Variants in COP1 observed in about 807,000 individuals in gnomAD.
COP1 encodes the protein COP1 E3 ubiquitin ligase.
A neutral mutation model predicts 101.3 loss-of-function variants in COP1; 24 were observed. The observed-to-expected ratio is 0.24, with a 90% CI of 0.17 to 0.33. COP1 has a LOEUF of 0.33. Among genes scored for constraint, COP1 ranks in the 10% least tolerant of loss-of-function variants. The probability of loss-of-function intolerance (pLI) is 1.00; values close to 1 mark genes in which losing one functional copy is unlikely to be tolerated. For synonymous variants in COP1, 347 were observed against 341.9 expected (o/e 1.01, Z -0.17); for missense variants, 663 against 906.2 (o/e 0.73, Z 3.45).
chr1:176,004,612 T>A (rs982055633), intron 15 of COP1, among the ~76,000 whole-genome samples: 2 of 152,150 alleles, frequency 1.3e-5, no homozygotes, highest in Admixed American at 1.3e-4. Context: ...GAGATAATCA[T>A]GTGGTTTTTG....
intron 1 of COP1, among the ~76,000 whole-genome samples, chr1:176,196,114 A>G (rs1558299322): frequency 6.6e-6 from 1 of 152,222 alleles, no homozygotes. Context: ...GATACAGCTA[A>G]AGTAGGGATT....
intron 1 of COP1, among the ~76,000 whole-genome samples, chr1:176,192,618 C>T (rs1699231008): frequency 6.6e-6 from 1 of 152,076 alleles, no homozygotes; most frequent in Middle Eastern, 3.2e-3. Flanking sequence ...ATGCTTTGCT[C>T]ACATTTCAGA....
intron 8 of COP1, among the ~76,000 whole-genome samples, chr1:176,125,062 G>A (rs1349980787): frequency 6.6e-6 from 1 of 151,816 alleles, no homozygotes; most frequent in Admixed American, 6.6e-5. Flanking sequence ...TGTTTGTCTT[G>A]AGAAATGTCT....
At chr1:176,174,364 T>C (rs1204268140) in intron 3 of COP1, among the ~76,000 whole-genome samples, 2 of 152,166 alleles carry the variant, frequency 1.3e-5, no homozygotes, top group Non-Finnish European at 2.9e-5. Flanking sequence ...TTCCCTATTA[T>C]CTAAACTAGG....
intron 7 of COP1, among the ~76,000 whole-genome samples, chr1:176,136,126 A>C (rs1488886003): frequency 1.3e-5 from 2 of 151,944 alleles, no homozygotes; most frequent in Non-Finnish European, 2.9e-5. Flanking sequence ...AATTAACCTT[A>C]ACTCCTAGAA....
intron 6 of COP1, among the ~76,000 whole-genome samples, chr1:176,143,092 T>A (rs1690961762): frequency 1.4e-5 from 2 of 147,268 alleles, no homozygotes; most frequent in Non-Finnish European, 3.0e-5. Context: ...AATTGATATA[T>A]TCCTGGCAAG....
chr1:176,143,158 G>A (rs1412304343), intron 6 of COP1, among the ~76,000 whole-genome samples: 6 of 132,380 alleles, frequency 4.5e-5, no homozygotes, highest in African/African-American at 1.8e-4. Context: ...GAGAGAGAGA[G>A]AGAGAGGAAC....
At position 176,081,288 on chromosome 1, in the gene COP1, C is replaced by CT. The variant is rs1679089456; in HGVS notation, c.1142-2dup. On this transcript the variant is annotated splice_acceptor_variant, in intron 10 of 19. Coordinates refer to ENST00000367669, the MANE Select transcript of COP1 (RefSeq NM_022457.7). LOFTEE classifies it high-confidence loss of function. ...AACTGGCTTGCAGTTCGACTGTCAT[C>CT]TATATGAAAAAAAAAAAAAAAAGAC... 1 of 1,339,694 alleles carries CT rather than the reference C, an allele frequency of 7.5e-7. No homozygotes were observed. Among genetic ancestry groups the CT allele is most frequent in the African/African-American group, 1.6e-5 (1 of 63,202 alleles). 83.0% of individuals were successfully genotyped at this position (1,339,694 alleles called of 1,614,324 possible).
intron 9 of COP1, among the ~76,000 whole-genome samples, chr1:176,091,380 T>C (rs1681270017): frequency 1.3e-5 from 2 of 151,094 alleles, no homozygotes; most frequent in Non-Finnish European, 2.9e-5. Context: ...ACTTCTGAAG[T>C]TGTGTACTTG....
chr1:175,993,311 A>C (rs1221757346), intron 15 of COP1, among the ~76,000 whole-genome samples: 1 of 152,164 alleles, frequency 6.6e-6, no homozygotes, highest in Non-Finnish European at 1.5e-5. Flanking sequence ...AAGCAGAAAA[A>C]CTGGAAACTC....
chr1:176,113,545 T>C (rs186327069), intron 9 of COP1, among the ~76,000 whole-genome samples: 1,979 of 152,204 alleles, frequency 0.013, 37 homozygotes, highest in Non-Finnish European at 0.015. Context: ...TGCTAGAAAT[T>C]TCAAAGTAGT....
chr1:175,996,016 G>A (rs1007874359), intron 15 of COP1, among the ~76,000 whole-genome samples: 7 of 151,924 alleles, frequency 4.6e-5, no homozygotes, highest in African/African-American at 4.9e-5. Flanking sequence ...CTGGCAAAAC[G>A]AATCCAGCAG....
chr1:176,178,384 T>G (rs1697259975), intron 2 of COP1, among the ~76,000 whole-genome samples: 1 of 151,048 alleles, frequency 6.6e-6, no homozygotes, highest in Non-Finnish European at 1.5e-5. Flanking sequence ...TAGCTGGGCC[T>G]GGTTCTGCAT....
intron 11 of COP1, among the ~76,000 whole-genome samples, chr1:176,074,644 A>C (rs1284536431): frequency 6.6e-6 from 1 of 152,132 alleles, no homozygotes; most frequent in Non-Finnish European, 1.5e-5. Flanking sequence ...TCTGCCTCAG[A>C]ATGCACAATG....
At position 176,165,361 on chromosome 1, in the gene COP1, CGTGTGTGTGTGTGTGT is replaced by C. The variant is rs34291468; in HGVS notation, c.566-1486_566-1471del. 2.4e-3 allele frequency among the ~76,000 whole-genome samples: 313 copies of C among 132,140 alleles called. 1 individual carries two copies. The highest frequency in any genetic ancestry group is 7.5e-3 in the African/African-American group (261 of 34,880). 86.7% of individuals were successfully genotyped at this position (132,140 alleles called of 152,430 possible). On this transcript the variant is annotated intron_variant, in intron 3 of 19. Coordinates refer to ENST00000367669, the MANE Select transcript of COP1 (RefSeq NM_022457.7). ...GTGAGAGAGAGAGAGAGATGTGTGT[CGTGTGTGTGTGTGTGT>C]GTGTGTGTGTGTGTGTGTGTGTGTG...
chr1:176,086,095 CTAA>C lies in COP1; in HGVS notation c.1027-208_1027-206del, dbSNP rs1426487747. ...AAATTCATTCGCAGAATGATTAAAA[CTAA>C]TAATGACTAAAAATAAGCTCTAAAG... On this transcript the variant is annotated intron_variant, in intron 9 of 19. Coordinates refer to ENST00000367669, the MANE Select transcript of COP1 (RefSeq NM_022457.7). Among the ~76,000 whole-genome samples, 7 of 151,948 alleles carry C rather than the reference CTAA, an allele frequency of 4.6e-5. No homozygotes were observed. The South Asian group carries it at 8.3e-4, about 18-fold the overall frequency.
At chr1:175,964,581 C>T (rs12408512) in intron 18 of COP1, among the ~76,000 whole-genome samples, 8,704 of 152,288 alleles carry the variant, frequency 0.057, 369 homozygotes, top group Middle Eastern at 0.12. Flanking sequence ...AAGTTATAAG[C>T]AGTTCTGCCT....
chr1:176,037,800 G>A (rs1055686740), intron 14 of COP1, among the ~76,000 whole-genome samples: 5 of 152,118 alleles, frequency 3.3e-5, no homozygotes, highest in Admixed American at 6.5e-5. Flanking sequence ...AATTGACACA[G>A]GTGCCTACTA....
chr1:176,078,080 T>C (rs934656547), intron 11 of COP1, among the ~76,000 whole-genome samples: 2 of 152,130 alleles, frequency 1.3e-5, no homozygotes, highest in African/African-American at 4.8e-5. Flanking sequence ...TTCAAAGCAA[T>C]TTACAGATCC....
Sources: allele counts gnomAD v4.1 joint callset (sites outside exome capture counted in the v4.1 genomes callset), GRCh38; gene constraint gnomAD v4.1.1; transcripts MANE v1.5; gene names NCBI Gene and HGNC (gene_info 2026-07-23, HGNC 2026-07-21).